The following PDE7A variants were observed in gnomAD, a reference collection of about 807,000 sequenced individuals.
The protein encoded by PDE7A is high affinity 3',5'-cyclic-AMP phosphodiesterase 7A.
In PDE7A, 39 loss-of-function variants were observed where a neutral mutation model predicts 64.3. The ratio of observed to expected loss-of-function variants is 0.61; its 90% CI spans 0.47 to 0.79. The LOEUF is 0.79. Ranked by LOEUF, PDE7A falls within the 30% of genes least tolerant of loss-of-function variation. The pLI is 0.00. For synonymous variants in PDE7A, 203 were observed against 206.8 expected (o/e 0.98, Z 0.16); for missense variants, 470 against 582.8 (o/e 0.81, Z 1.99).
chr8:65,736,537 G>C (rs760360176), intron 6 of PDE7A, among the ~76,000 whole-genome samples: 26 of 152,148 alleles, frequency 1.7e-4, no homozygotes, highest in Non-Finnish European at 2.9e-4. Flanking sequence ...AGGATTGCTT[G>C]AGGCCAGGAG....
intron 3 of PDE7A, among the ~76,000 whole-genome samples, chr8:65,751,181 T>C (rs1443237148): frequency 6.6e-6 from 1 of 152,206 alleles, no homozygotes; most frequent in Non-Finnish European, 1.5e-5. Flanking sequence ...TATATTCTGG[T>C]AAAGAATGAA....
rs1810665865 is a variant in PDE7A at position 65,826,091 on chromosome 8, C to A, written c.138+15280G>T. Among the ~76,000 whole-genome samples, 4 of 152,092 alleles carry A rather than the reference C, an allele frequency of 2.6e-5. No individual in the cohort carries two copies. The South Asian group carries it at 8.3e-4, about 32-fold the overall frequency. ...GCCAATGCAAAGACAAAGACCAGAA[C>A]AAAGCTGGCATATTCACAAACAGCA... On this transcript the variant is annotated intron_variant, in intron 1 of 12. Coordinates refer to ENST00000401827, the MANE Select transcript of PDE7A (RefSeq NM_001242318.3).
chr8:65,764,704 A>G (rs552148774), intron 3 of PDE7A, among the ~76,000 whole-genome samples: 19 of 152,344 alleles, frequency 1.2e-4, no homozygotes, highest in Non-Finnish European at 2.4e-4. Context: ...GCTTTTAAGA[A>G]ACATCTTCTT....
At chr8:65,732,191 G>C (rs927439142) in intron 7 of PDE7A, among the ~76,000 whole-genome samples, 1 of 151,534 alleles carries the variant, frequency 6.6e-6, no homozygotes, top group African/African-American at 2.4e-5. Flanking sequence ...TAGAGACGGG[G>C]TTTCACCATG....
rs1334024177 is a variant in PDE7A at position 65,717,248 on chromosome 8, A to G, written c.*2042T>C. On this transcript the variant is annotated 3_prime_UTR_variant, in exon 13 of 13. Transcript: ENST00000401827. ...TGTGTTTGATTTAGAAGTTTGCACC[A>G]TATCCCTTCTAATGAGTTGGACCTG... 1.3e-5 allele frequency among the ~76,000 whole-genome samples: 2 copies of G among 152,216 alleles called. No homozygotes were observed. The highest frequency in any genetic ancestry group is 2.9e-5 in the Non-Finnish European group (2 of 68,052).
chr8:65,754,685 G>T, intron 3 of PDE7A, among the ~76,000 whole-genome samples: 1 of 149,926 alleles, frequency 6.7e-6, no homozygotes, highest in African/African-American at 2.4e-5. Flanking sequence ...TCTTCCATTA[G>T]GCTGGGCACA....
intron 3 of PDE7A, among the ~76,000 whole-genome samples, chr8:65,752,826 C>T (rs1325147545): frequency 6.6e-6 from 1 of 152,078 alleles, no homozygotes; most frequent in African/African-American, 2.4e-5. Flanking sequence ...ACTTTCTCTC[C>T]AATTCTTTTT....
At chr8:65,832,500 A>G (rs6996048) in intron 1 of PDE7A, among the ~76,000 whole-genome samples, 9,580 of 152,266 alleles carry the variant, frequency 0.063, 383 homozygotes, top group Middle Eastern at 0.11. Context: ...CATTGTGTAC[A>G]TGTAACCTTC....
chr8:65,747,281 G>A (rs1220329742), intron 4 of PDE7A, among the ~76,000 whole-genome samples: 2 of 152,118 alleles, frequency 1.3e-5, no homozygotes, highest in Non-Finnish European at 2.9e-5. Context: ...CAAGTCCCTC[G>A]TGCTCTCTTG....
At chr8:65,719,636 T>C (rs1345311976) in intron 12 of PDE7A, 141 bp from the exon 13 acceptor site, 1 of 633,666 alleles carries the variant, frequency 1.6e-6, no homozygotes, top group Non-Finnish European at 2.8e-6. Flanking sequence ...TGTGTATGTG[T>C]AGGTGACAGA....
intron 1 of PDE7A, among the ~76,000 whole-genome samples, chr8:65,803,961 C>T (rs747413772): frequency 1.3e-5 from 2 of 152,168 alleles, no homozygotes; most frequent in African/African-American, 2.4e-5. Flanking sequence ...CACAGACACA[C>T]ATACACATTC....
chr8:65,796,318 A>AC (rs1414056759), intron 1 of PDE7A, among the ~76,000 whole-genome samples: 123 of 152,216 alleles, frequency 8.1e-4, no homozygotes, highest in African/African-American at 2.9e-3. Context: ...AACTCCAAAC[A>AC]TAAAAAAACA....
rs557155691 is a variant in PDE7A, at chr8:65,807,512, G to GT, written c.139-24670dup. Among the ~76,000 whole-genome samples, 39 of 135,272 alleles carry GT rather than the reference G, an allele frequency of 2.9e-4. No homozygotes were observed. The South Asian group carries it at 3.1e-3, about 11-fold the overall frequency. 88.7% of individuals were successfully genotyped at this position (135,272 alleles called of 152,430 possible). On this transcript the variant is annotated intron_variant, in intron 1 of 12. Coordinates refer to ENST00000401827, the MANE Select transcript of PDE7A (RefSeq NM_001242318.3). The stretch of plus-strand genomic sequence containing the variant: ...TTACTTTTTCCTTTCCAATCTGGAT[G>GT]TTTTTTTTATTTTTCTTGCCTAACT...
chr8:65,727,407 TC>T, intron 7 of PDE7A, 106 bp from the exon 8 acceptor site: 2 of 1,492,340 alleles, frequency 1.3e-6, no homozygotes, highest in Non-Finnish European at 9.0e-7. Context: ...GGTAATCTCC[TC>T]CCCCTTCACG....
chr8:65,808,209 T>C (rs996362995), intron 1 of PDE7A, among the ~76,000 whole-genome samples: 9 of 152,216 alleles, frequency 5.9e-5, no homozygotes, highest in Admixed American at 3.9e-4. Context: ...GCACCATTTT[T>C]CTTTCAGAGA....
At chr8:65,765,033 C>T (rs1232703500) in intron 3 of PDE7A, among the ~76,000 whole-genome samples, 2 of 152,136 alleles carry the variant, frequency 1.3e-5, no homozygotes, top group Non-Finnish European at 2.9e-5. Context: ...TATACTCAGT[C>T]TCTACTATGA....
intron 3 of PDE7A, among the ~76,000 whole-genome samples, chr8:65,755,751 A>G (rs776561873): frequency 1.3e-5 from 2 of 152,166 alleles, no homozygotes; most frequent in Non-Finnish European, 2.9e-5. Context: ...AACTGTTAAT[A>G]CCCTTTTATG....
intron 1 of PDE7A, among the ~76,000 whole-genome samples, chr8:65,830,277 T>C (rs1389090354): frequency 1.3e-5 from 2 of 152,058 alleles, no homozygotes; most frequent in Admixed American, 1.3e-4. Flanking sequence ...CAGGGTTCTT[T>C]TTCAAATCAA....
rs1266916995 is a variant in PDE7A at position 65,715,371 on chromosome 8, A to G, written c.*3919T>C. On this transcript the variant is annotated 3_prime_UTR_variant, in exon 13 of 13. Coordinates refer to ENST00000401827, the MANE Select transcript of PDE7A (RefSeq NM_001242318.3). ...GCCAACAAAGAGAGACCCTGTCTCTATAAAAAAGTTTTTTTTTTTTTTTTG... is the reference window on the plus strand; with the variant it reads ...GCCAACAAAGAGAGACCCTGTCTCTGTAAAAAAGTTTTTTTTTTTTTTTTG... Among the ~76,000 whole-genome samples the G allele has an allele frequency of 2.0e-5, 3 of 151,308 alleles. No individual in the cohort carries two copies. Among genetic ancestry groups the G allele is most frequent in the Non-Finnish European group, 4.4e-5 (3 of 67,874 alleles).
Sources: allele counts gnomAD v4.1 joint callset (sites outside exome capture counted in the v4.1 genomes callset), GRCh38; gene constraint gnomAD v4.1.1; transcripts MANE v1.5; gene names NCBI Gene and HGNC (gene_info 2026-07-23, HGNC 2026-07-21).